The following NHLRC2 variants were observed in gnomAD, a reference collection of about 807,000 sequenced individuals.
The protein encoded by NHLRC2 is NHL repeat-containing protein 2.
A neutral mutation model predicts 68.1 loss-of-function variants in NHLRC2; 33 were observed. That is an observed-to-expected ratio of 0.48 (90% confidence interval 0.37 to 0.65). The LOEUF is 0.65. Ranked by LOEUF, NHLRC2 falls within the 30% of genes least tolerant of loss-of-function variation. The pLI is 0.00. For synonymous variants in NHLRC2, 311 were observed against 309.6 expected (o/e 1.00, Z -0.05); for missense variants, 761 against 853.8 (o/e 0.89, Z 1.35).
rs1846371910 is a variant in NHLRC2 at position 113,915,244 on chromosome 10, T to G, written c.*6708T>G. 1 of 456,188 alleles carries G rather than the reference T, an allele frequency of 2.2e-6. No individual in the cohort carries two copies. Among genetic ancestry groups the G allele is most frequent in the Admixed American group, 2.3e-5 (1 of 42,560 alleles). 28.3% of individuals were successfully genotyped at this position (456,188 alleles called of 1,614,324 possible). ...ACCAAAAGGAAAATATTGCAACTAT[T>G]TGCAAACATACTTCCCTACCTGTAC... is the stretch of plus-strand genomic sequence containing the variant. On this transcript the variant is annotated 3_prime_UTR_variant, in exon 11 of 11. Transcript: ENST00000369301.
chr10:113,892,387 A>T (rs1846140712), intron 5 of NHLRC2, among the ~76,000 whole-genome samples: 1 of 152,182 alleles, frequency 6.6e-6, no homozygotes. Flanking sequence ...AGTCAGTAAT[A>T]TTAAGTGCAC....
chr10:113,897,390 T>A lies in NHLRC2; in HGVS notation c.1040-720T>A, dbSNP rs113338130. Among the ~76,000 whole-genome samples, 808 of 152,278 alleles carry A rather than the reference T, an allele frequency of 5.3e-3. 5 individuals are homozygous for A. Among genetic ancestry groups the A allele is most frequent in the African/African-American group, 0.018 (758 of 41,562 alleles). On this transcript the variant is annotated intron_variant, in intron 5 of 10. Transcript: ENST00000369301. ...GTTGTATTATACTTTTTACCCTCTA[T>A]GGTGTCTATTGAAGGGCTGTTCAGT...
intron 4 of NHLRC2, among the ~76,000 whole-genome samples, chr10:113,882,699 A>G (rs1346873104): frequency 1.3e-5 from 2 of 151,704 alleles, no homozygotes; most frequent in African/African-American, 4.8e-5. Flanking sequence ...AATTTTGATG[A>G]TGACTGATTT....
intron 5 of NHLRC2, among the ~76,000 whole-genome samples, chr10:113,892,371 G>A (rs1846140630): frequency 6.6e-6 from 1 of 152,074 alleles, no homozygotes; most frequent in Non-Finnish European, 1.5e-5. Context: ...ATTTGTGATT[G>A]TTGAAAGTCA....
intron 6 of NHLRC2, among the ~76,000 whole-genome samples, chr10:113,900,318 A>G (rs1325879233): frequency 6.6e-6 from 1 of 152,244 alleles, no homozygotes; most frequent in Non-Finnish European, 1.5e-5. Context: ...TAGCCTGAAC[A>G]GTGAGATTAC....
rs374473747 is a variant in NHLRC2 at position 113,870,943 on chromosome 10, C to A, written c.332-5578C>A. 2.3e-3 allele frequency among the ~76,000 whole-genome samples: 351 copies of A among 151,292 alleles called. 1 individual carries two copies. Among genetic ancestry groups the A allele is most frequent in the African/African-American group, 7.7e-3 (319 of 41,242 alleles). On this transcript the variant is annotated intron_variant, in intron 2 of 10. Transcript: ENST00000369301. Reference sequence around the variant, plus strand: ...ATGAAGTTTTGTCTGCCATTATATCCCCTAACTGGTTATTGTTTGAGTATA... The same window carrying A: ...ATGAAGTTTTGTCTGCCATTATATCACCTAACTGGTTATTGTTTGAGTATA...
chr10:113,904,640 C>G (rs1846257930), intron 9 of NHLRC2, among the ~76,000 whole-genome samples, 177 bp from the exon 10 acceptor site: 1 of 152,094 alleles, frequency 6.6e-6, no homozygotes, highest in Non-Finnish European at 1.5e-5. Flanking sequence ...GATAAACTTT[C>G]TCTGTGTCTA....
In NHLRC2 at chr10:113,884,515, T is replaced by A. The variant is rs1031244098; in HGVS notation, c.1039+135T>A. 5 of 561,890 alleles carry A rather than the reference T, an allele frequency of 8.9e-6. No homozygotes were observed. The African/African-American group carries it at 9.5e-5, about 11-fold the overall frequency. 34.8% of individuals were successfully genotyped at this position (561,890 alleles called of 1,614,324 possible). On this transcript the variant is annotated intron_variant, in intron 5 of 10. Transcript: ENST00000369301. ...ACTTTTATACCTATGCCTCAGAGTT[T>A]GTTAATTGTGTAAAAACAAAGCTAG... is the stretch of plus-strand genomic sequence containing the variant.
intron 2 of NHLRC2, among the ~76,000 whole-genome samples, chr10:113,865,146 TCA>T (rs1051401603): frequency 2.7e-4 from 41 of 152,124 alleles, no homozygotes; most frequent in African/African-American, 9.9e-4. Context: ...AGACAGGGTT[TCA>T]CCGTGTTAGC....
intron 3 of NHLRC2, among the ~76,000 whole-genome samples, chr10:113,878,280 CAG>C (rs1846003544): frequency 6.6e-6 from 1 of 151,694 alleles, no homozygotes; most frequent in African/African-American, 2.4e-5. Flanking sequence ...CCTTTTTTTT[CAG>C]GGAACTCTTA....
At chr10:113,904,375 G>T (rs968306417) in intron 9 of NHLRC2, among the ~76,000 whole-genome samples, 1 of 151,854 alleles carries the variant, frequency 6.6e-6, no homozygotes, top group Non-Finnish European at 1.5e-5. Context: ...CTGAAAAACT[G>T]GTAATTTGCA....
chr10:113,869,164 A>G (rs970952243), intron 2 of NHLRC2, among the ~76,000 whole-genome samples: 1 of 152,196 alleles, frequency 6.6e-6, no homozygotes, highest in Admixed American at 6.5e-5. Flanking sequence ...TGTGAATAGG[A>G]TAACAACTTG....
In NHLRC2 at chr10:113,876,893, C is replaced by G. The variant is rs191644838; in HGVS notation, c.704C>G (p.Thr235Ser). The change falls in exon 3 of 11, where the codon ACT becomes AGT. Residue 235 changes from threonine (T) to serine (S), a missense_variant. Physicochemically the swap from Thr to Ser is moderately conservative, Grantham distance 58 (BLOSUM62 1). Transcript: ENST00000369301. ...FPGKVTVDQVTDRLVIADTGH... is the reference protein window; with the variant it reads ...FPGKVTVDQVSDRLVIADTGH... ...GGCAAAGTAACAGTAGACCAAGTTA[C>G]TGATAGATTGGTAATAGCAGACACT... The G allele has an allele frequency of 6.2e-7, 1 of 1,612,748 alleles. No individual in the cohort carries two copies. Among genetic ancestry groups the G allele is most frequent in the East Asian group, 2.2e-5 (1 of 44,838 alleles).
At chr10:113,903,771 G>T in intron 9 of NHLRC2, 35 bp downstream of exon 9, 1 of 1,240,540 alleles carries the variant, frequency 8.1e-7, no homozygotes, top group Non-Finnish European at 1.2e-6. Context: ...AAAGAATGTG[G>T]TTTTAAGAAT....
At chr10:113,892,277 C>G (rs1846139989) in intron 5 of NHLRC2, among the ~76,000 whole-genome samples, 1 of 152,114 alleles carries the variant, frequency 6.6e-6, no homozygotes, top group Non-Finnish European at 1.5e-5. Context: ...CTAATCTCTA[C>G]TGATAATTAT....
At chr10:113,903,477 A>C (rs1165378414) in intron 8 of NHLRC2, 50 bp from the exon 9 acceptor site, 1 of 1,154,216 alleles carries the variant, frequency 8.7e-7, no homozygotes, top group Non-Finnish European at 1.3e-6. Context: ...CCATACAACA[A>C]ACATGAGATT....
chr10:113,899,591 TA>T (rs1257046042), intron 6 of NHLRC2, among the ~76,000 whole-genome samples: 2 of 152,100 alleles, frequency 1.3e-5, no homozygotes, highest in Non-Finnish European at 2.9e-5. Context: ...AGCAAACAAT[TA>T]AAAGTTAGTG....
rs1266845909 is a variant in NHLRC2 at position 113,914,985 on chromosome 10, G to T, written c.*6449G>T. ...TGCAGAAGGCTGCCCCAATCACAGAGCCTGGGTAAGGTGGAACAGGAGGCA... is the reference window on the plus strand; with the variant it reads ...TGCAGAAGGCTGCCCCAATCACAGATCCTGGGTAAGGTGGAACAGGAGGCA... On this transcript the variant is annotated 3_prime_UTR_variant, in exon 11 of 11. Transcript: ENST00000369301. 1 of 456,148 alleles carries T rather than the reference G, an allele frequency of 2.2e-6. No homozygotes were observed. The highest frequency in any genetic ancestry group is 4.4e-6 in the Non-Finnish European group (1 of 226,976). The allele number at this position is 456,148 out of a possible 1,614,324, so 28.3% of individuals were successfully genotyped here. A position where few individuals can be genotyped will look rare whatever the true frequency, so the allele number is the denominator to read the frequency against.
intron 8 of NHLRC2, 26 bp from the exon 9 acceptor site, chr10:113,903,501 A>G (rs141933603): frequency 5.0e-6 from 7 of 1,404,676 alleles, no homozygotes; most frequent in Admixed American, 3.5e-5. Flanking sequence ...CTTCAGTTAT[A>G]TAAGTTTTTG....
Sources: allele counts gnomAD v4.1 joint callset (sites outside exome capture counted in the v4.1 genomes callset), GRCh38; gene constraint gnomAD v4.1.1; transcripts MANE v1.5; gene names NCBI Gene and HGNC (gene_info 2026-07-23, HGNC 2026-07-21).